Variants in IPO11 observed in about 807,000 individuals in gnomAD.
The protein encoded by IPO11 is importin 11.
A neutral mutation model predicts 143.2 loss-of-function variants in IPO11; 66 were observed. The observed-to-expected ratio is 0.46, with a 90% CI of 0.38 to 0.57. The LOEUF is 0.57. Among genes scored for constraint, IPO11 ranks in the 20% least tolerant of loss-of-function variants. IPO11 has a pLI of 0.00. For synonymous variants in IPO11, 385 were observed against 377.8 expected (o/e 1.02, Z -0.22); for missense variants, 1,026 against 1,141.0 (o/e 0.90, Z 1.45).
intron 24 of IPO11, among the ~76,000 whole-genome samples, chr5:62,542,287 A>G (rs1014877898): frequency 2.0e-5 from 3 of 152,084 alleles, no homozygotes; most frequent in African/African-American, 7.2e-5. Context: ...AGATTTTATT[A>G]TTTAATAAAT....
chr5:62,623,480 G>C (rs978755068), intron 29 of IPO11, among the ~76,000 whole-genome samples: 1 of 152,108 alleles, frequency 6.6e-6, no homozygotes, highest in Non-Finnish European at 1.5e-5. Context: ...GAGGGCTCTT[G>C]GATCTCACAC....
intron 29 of IPO11, among the ~76,000 whole-genome samples, chr5:62,620,399 G>C (rs1362274880): frequency 6.6e-6 from 1 of 151,670 alleles, no homozygotes; most frequent in Non-Finnish European, 1.5e-5. Flanking sequence ...GGTGCCTGTA[G>C]TCCCAGCTAC....
chr5:62,427,157 C>T (rs1361622347), intron 1 of IPO11, among the ~76,000 whole-genome samples: 2 of 151,722 alleles, frequency 1.3e-5, no homozygotes, highest in East Asian at 1.9e-4. Context: ...CCAGGCTGGT[C>T]TCGAGCTCCT....
chr5:62,514,850 C>T (rs987028880), intron 19 of IPO11, among the ~76,000 whole-genome samples: 9 of 152,122 alleles, frequency 5.9e-5, no homozygotes, highest in Admixed American at 1.3e-4. Flanking sequence ...GCAATTTTAT[C>T]CTTTGAAAAT....
chr5:62,435,198 A>ATGTATATATG (rs1744168880), intron 1 of IPO11, among the ~76,000 whole-genome samples: 9 of 108,606 alleles, frequency 8.3e-5, no homozygotes, highest in Non-Finnish European at 1.3e-4. Context: ...ATGTATATAT[A>ATGTATATATG]TGTATATATA....
intron 24 of IPO11, among the ~76,000 whole-genome samples, chr5:62,540,580 G>C (rs753344454): frequency 6.6e-6 from 1 of 152,198 alleles, no homozygotes. Flanking sequence ...TAGAGGGAGC[G>C]TAGCATAGCA....
At chr5:62,519,814 T>G (rs922278601) in intron 20 of IPO11, among the ~76,000 whole-genome samples, 1 of 152,228 alleles carries the variant, frequency 6.6e-6, no homozygotes, top group African/African-American at 2.4e-5. Context: ...AATTCTTCGC[T>G]GGAGGCTTTG....
At chr5:62,539,143 T>C (rs1403151130) in intron 24 of IPO11, among the ~76,000 whole-genome samples, 2 of 152,140 alleles carry the variant, frequency 1.3e-5, no homozygotes, top group Non-Finnish European at 2.9e-5. Flanking sequence ...CTTGGTGGCT[T>C]AAAACAAGAG....
At chr5:62,613,887 C>T (rs1053873403) in intron 29 of IPO11, among the ~76,000 whole-genome samples, 3 of 152,076 alleles carry the variant, frequency 2.0e-5, no homozygotes, top group African/African-American at 7.2e-5. Context: ...AATCAGTGAC[C>T]CTTAAGATGA....
At chr5:62,534,067 A>T (rs1329542058) in intron 22 of IPO11, among the ~76,000 whole-genome samples, 1 of 152,190 alleles carries the variant, frequency 6.6e-6, no homozygotes, top group African/African-American at 2.4e-5. Context: ...GGATGCGTTA[A>T]TTAAGTATGA....
intron 22 of IPO11, among the ~76,000 whole-genome samples, chr5:62,534,691 T>C (rs1742675479): frequency 6.6e-6 from 1 of 152,158 alleles, no homozygotes; most frequent in East Asian, 1.9e-4. Context: ...AATTCTTTGT[T>C]GTGAGGGACT....
intron 1 of IPO11, among the ~76,000 whole-genome samples, chr5:62,415,939 T>C (rs1252785157): frequency 6.6e-6 from 1 of 152,178 alleles, no homozygotes; most frequent in Non-Finnish European, 1.5e-5. Context: ...CAATATTTCC[T>C]TCATGTGTTT....
intron 19 of IPO11, among the ~76,000 whole-genome samples, chr5:62,514,992 A>C (rs1741958451): frequency 6.6e-6 from 1 of 152,318 alleles, no homozygotes; most frequent in Admixed American, 6.5e-5. Context: ...TCAGGGCCTG[A>C]AACTTGGAAG....
At chr5:62,472,277 T>C (rs936614217) in intron 7 of IPO11, among the ~76,000 whole-genome samples, 30 of 152,290 alleles carry the variant, frequency 2.0e-4, no homozygotes, top group Admixed American at 5.2e-4. Context: ...AACCAGAATA[T>C]TATGTTTATC....
At chr5:62,563,808 GATTTTTGGAT>G (rs71608512) in intron 27 of IPO11, among the ~76,000 whole-genome samples, 9,303 of 152,156 alleles carry the variant, frequency 0.061, 394 homozygotes, top group South Asian at 0.1. Context: ...GGCCATTTCA[GATTTTTGGAT>G]TAGGGATGCT....
intron 9 of IPO11, among the ~76,000 whole-genome samples, chr5:62,481,085 T>G (rs1746191539): frequency 6.6e-6 from 1 of 151,578 alleles, no homozygotes; most frequent in African/African-American, 2.4e-5. Flanking sequence ...CCGGCTAATT[T>G]TTTTTTGTAT....
chr5:62,601,678 C>CT, intron 28 of IPO11, 86 bp from the exon 29 acceptor site: 14 of 568,950 alleles, frequency 2.5e-5, no homozygotes, highest in South Asian at 4.8e-5. Flanking sequence ...TAGAATTATT[C>CT]ATGTTCTTAG....
intron 24 of IPO11, among the ~76,000 whole-genome samples, chr5:62,547,607 C>T (rs1580311346): frequency 6.6e-6 from 1 of 151,976 alleles, no homozygotes; most frequent in Admixed American, 6.6e-5. Flanking sequence ...CCTTTTAGAC[C>T]ACAAAAACTC....
intron 1 of IPO11, among the ~76,000 whole-genome samples, chr5:62,432,952 A>C (rs1744043522): frequency 6.6e-6 from 1 of 152,178 alleles, no homozygotes; most frequent in Admixed American, 6.6e-5. Context: ...TTGTTTCTTC[A>C]TTACAATTAG....
Sources: allele counts gnomAD v4.1 joint callset (sites outside exome capture counted in the v4.1 genomes callset), GRCh38; gene constraint gnomAD v4.1.1; transcripts MANE v1.5; gene names NCBI Gene and HGNC (gene_info 2026-07-23, HGNC 2026-07-21).